TTC7A: variants seen among roughly 807,000 people sequenced by gnomAD.
The protein encoded by TTC7A is tetratricopeptide repeat protein 7A.
TTC7A carries 110 observed loss-of-function variants against 103.7 expected under a neutral mutation model. The observed-to-expected ratio is 1.06, with a 90% CI of 0.91 to 1.24. TTC7A has a LOEUF of 1.24. TTC7A is among the 50% of genes most tolerant of loss of function. The pLI, the probability that TTC7A is intolerant of heterozygous loss-of-function variation, is 0.00. For missense variants in TTC7A, 1,340 were observed against 1,116.3 expected, an observed-to-expected ratio of 1.20 and a Z score of -2.86; for synonymous variants, 521 against 467.9, an observed-to-expected ratio of 1.11 and a Z score of -1.47.
intron 15 of TTC7A, 78 bp from the exon 16 acceptor site, chr2:47,046,237 C>G: frequency 8.7e-7 from 1 of 1,145,390 alleles, no homozygotes; most frequent in Non-Finnish European, 1.3e-6. Flanking sequence ...CATGTGGAGC[C>G]GCCCTGGTGG....
chr2:47,013,321 C>G (rs1678279163), intron 11 of TTC7A, among the ~76,000 whole-genome samples: 1 of 152,196 alleles, frequency 6.6e-6, no homozygotes, highest in African/African-American at 2.4e-5. Flanking sequence ...GTAGGGCGAC[C>G]TTGTGAGCAA....
intron 19 of TTC7A, chr2:47,071,324 C>G (rs1203511069): frequency 6.6e-6 from 1 of 152,154 alleles, no homozygotes; most frequent in Non-Finnish European, 1.5e-5. Context: ...GGTCAACATC[C>G]CAGGGTGGGG....
intron 15 of TTC7A, among the ~76,000 whole-genome samples, chr2:47,037,158 A>G (rs1401175228): frequency 6.6e-6 from 1 of 152,120 alleles, no homozygotes; most frequent in Non-Finnish European, 1.5e-5. Context: ...CTGTACTTCA[A>G]AGCTGAACCA....
chr2:47,048,682 A>T (rs1165424870), intron 16 of TTC7A, among the ~76,000 whole-genome samples: 1 of 152,190 alleles, frequency 6.6e-6, no homozygotes, highest in Non-Finnish European at 1.5e-5. Context: ...AGCTCACTGC[A>T]GCCTCTGTCC....
chr2:46,988,077 C>A (rs542581261), intron 5 of TTC7A, among the ~76,000 whole-genome samples: 7 of 152,142 alleles, frequency 4.6e-5, no homozygotes, highest in Non-Finnish European at 8.8e-5. Flanking sequence ...ATTCTGAGAG[C>A]CTCCTGGTGC....
chr2:47,006,122 A>C lies in TTC7A; in HGVS notation c.1203+63A>C, dbSNP rs369915216. The stretch of plus-strand genomic sequence containing the variant: ...TCAGGTGGTCTGTAAAGGAAATCAG[A>C]CAGAGCCATTTGTCCCTTCTCCACC... On this transcript the variant is annotated intron_variant, in intron 9 of 19. Transcript: ENST00000319190. The C allele has an allele frequency of 5.6e-5, 88 of 1,584,130 alleles. 3 individuals are homozygous for C. The East Asian group carries it at 9.0e-4, about 16-fold the overall frequency.
chr2:46,943,616 A>G (rs560621964), intron 1 of TTC7A, among the ~76,000 whole-genome samples: 16 of 152,316 alleles, frequency 1.1e-4, no homozygotes, highest in Admixed American at 7.8e-4. Flanking sequence ...TGCGTAGAGC[A>G]TTGTTTGGAT....
chr2:46,953,422 T>C (rs1671573569), intron 2 of TTC7A, among the ~76,000 whole-genome samples: 1 of 152,232 alleles, frequency 6.6e-6, no homozygotes, highest in Admixed American at 6.5e-5. Context: ...CCCAAAGTGC[T>C]AGGATTACAG....
chr2:47,062,020 C>T (rs1683824155), intron 19 of TTC7A, among the ~76,000 whole-genome samples: 1 of 152,166 alleles, frequency 6.6e-6, no homozygotes, highest in Admixed American at 6.5e-5. Flanking sequence ...GTAGAGAGCA[C>T]AGAGGCATCA....
intron 2 of TTC7A, among the ~76,000 whole-genome samples, chr2:46,928,483 A>C (rs1345495985): frequency 6.8e-6 from 1 of 146,868 alleles, no homozygotes; most frequent in East Asian, 2.0e-4. Flanking sequence ...AAAAAAAAAA[A>C]AACTTGGGCC....
intron 15 of TTC7A, among the ~76,000 whole-genome samples, chr2:47,045,004 A>C (rs1037529892): frequency 3.2e-4 from 49 of 152,290 alleles, no homozygotes; most frequent in African/African-American, 1.2e-3. Context: ...GGACCCTCCG[A>C]TGGAGCAGGC....
At position 46,950,429 on chromosome 2, in the gene TTC7A, A is replaced by G; in HGVS notation, c.251A>G (p.Lys84Arg). Reference protein sequence around the residue: ...LEQCLKENHAKIKDSMPLLEK... With the variant: ...LEQCLKENHARIKDSMPLLEK... ...CAGTGTTTGAAGGAGAACCATGCCA[A>G]AATAAAAGACTCCATGCCTTTGCTG... The change falls in exon 2 of 20, where the codon AAA (lysine) becomes AGA (arginine). Residue 84 changes from lysine to arginine, a missense_variant. By Grantham distance (26) the Lys-to-Arg change is conservative. Transcript: ENST00000319190. 1 of 1,614,194 alleles carries G rather than the reference A, an allele frequency of 6.2e-7. No homozygotes were observed.
intron 4 of TTC7A, among the ~76,000 whole-genome samples, chr2:46,977,373 G>A (rs774289468): frequency 8.5e-5 from 13 of 152,218 alleles, no homozygotes; most frequent in Non-Finnish European, 1.5e-4. Context: ...TCTGAAAGAG[G>A]AGGTGGATGC....
At chr2:46,931,692 T>TAATAAATAAATAAATAAATAAATA (rs10524721) in intron 2 of TTC7A, among the ~76,000 whole-genome samples, 1 of 148,548 alleles carries the variant, frequency 6.7e-6, no homozygotes, top group African/African-American at 2.5e-5. Flanking sequence ...AAACAGACAA[T>TAATAAATAAATAAATAAATAAATA]AATAAATAAA....
intron 5 of TTC7A, among the ~76,000 whole-genome samples, chr2:46,979,147 G>T (rs1215815872): frequency 6.6e-6 from 1 of 152,192 alleles, no homozygotes; most frequent in Non-Finnish European, 1.5e-5. Context: ...GCTTGGGGGA[G>T]ACTGCCAAGA....
chr2:46,916,937 G>C (rs577874194), intron 1 of TTC7A, among the ~76,000 whole-genome samples: 23 of 150,990 alleles, frequency 1.5e-4, no homozygotes, highest in South Asian at 1.3e-3. Flanking sequence ...CCGGCAGGAC[G>C]GTCGTTTTTT....
chr2:46,978,719 C>A (rs1039313353), intron 4 of TTC7A, 73 bp from the exon 5 acceptor site: 2 of 1,205,738 alleles, frequency 1.7e-6, no homozygotes, highest in African/African-American at 1.5e-5. Flanking sequence ...GTGATGAGGC[C>A]ACCTCCTCTT....
At chr2:47,051,619 C>A (rs1682861500) in intron 17 of TTC7A, 127 bp from the exon 18 acceptor site, 5 of 1,251,608 alleles carry the variant, frequency 4.0e-6, no homozygotes, top group Admixed American at 4.9e-5. Flanking sequence ...TCTGGCTGCC[C>A]AGCCGCACCA....
At chr2:46,974,700 C>T (rs768018886) in intron 3 of TTC7A, 6 of 555,962 alleles carry the variant, frequency 1.1e-5, no homozygotes, top group Non-Finnish European at 2.1e-5. Context: ...GGGGATACTG[C>T]GTTACAGAGG....
Sources: allele counts gnomAD v4.1 joint callset (sites outside exome capture counted in the v4.1 genomes callset), GRCh38; gene constraint gnomAD v4.1.1; transcripts MANE v1.5; gene names NCBI Gene and HGNC (gene_info 2026-07-23, HGNC 2026-07-21).